Variants in CMIP observed in about 807,000 individuals in gnomAD.
The protein encoded by CMIP is c-Maf inducing protein.
In CMIP, 13 loss-of-function variants were observed where a neutral mutation model predicts 97.3. That is an observed-to-expected ratio of 0.13 (90% CI 0.09 to 0.21). CMIP has a LOEUF of 0.21. Ranked by LOEUF, CMIP falls within the 10% of genes least tolerant of loss-of-function variation. CMIP has a pLI of 1.00. For synonymous variants in CMIP, 538 were observed against 436.3 expected, an observed-to-expected ratio of 1.23 and a Z score of -2.91; for missense variants, 847 against 1,024.9, an observed-to-expected ratio of 0.83 and a Z score of 2.37.
intron 1 of CMIP, among the ~76,000 whole-genome samples, chr16:81,545,788 G>T (rs920776461): frequency 6.6e-6 from 1 of 152,202 alleles, no homozygotes; most frequent in African/African-American, 2.4e-5. Flanking sequence ...CTTCCTGCCG[G>T]CCCTCCCGTG....
intron 1 of CMIP, among the ~76,000 whole-genome samples, chr16:81,580,529 G>A (rs1008284175): frequency 1.3e-5 from 2 of 151,604 alleles, no homozygotes; most frequent in Non-Finnish European, 2.9e-5. Flanking sequence ...TGCATCCTGG[G>A]TTCAAGCAAT....
At chr16:81,563,748 C>T (rs2090929399) in intron 1 of CMIP, among the ~76,000 whole-genome samples, 1 of 152,180 alleles carries the variant, frequency 6.6e-6, no homozygotes, top group Non-Finnish European at 1.5e-5. Flanking sequence ...TATTATGGGG[C>T]TTCATGGTGC....
chr16:81,648,727 G>A (rs1029406265), intron 3 of CMIP, among the ~76,000 whole-genome samples: 1 of 135,812 alleles, frequency 7.4e-6, no homozygotes, highest in African/African-American at 2.8e-5. Context: ...AGATTATAGT[G>A]AGCTGAGATC....
intron 1 of CMIP, among the ~76,000 whole-genome samples, chr16:81,522,981 C>T (rs1228939326): frequency 3.3e-5 from 5 of 152,026 alleles, no homozygotes; most frequent in Non-Finnish European, 5.9e-5. Context: ...GGCCGGAGTG[C>T]AGTGGTTTGA....
intron 2 of CMIP, among the ~76,000 whole-genome samples, chr16:81,615,531 G>C (rs1279924271): frequency 6.9e-6 from 1 of 145,142 alleles, no homozygotes; most frequent in Non-Finnish European, 1.5e-5. Context: ...ATGTGTTTTT[G>C]TGTGTGGTAT....
chr16:81,602,391 G>A (rs2091672039), intron 1 of CMIP, among the ~76,000 whole-genome samples: 5 of 152,190 alleles, frequency 3.3e-5, no homozygotes, highest in African/African-American at 9.7e-5. Flanking sequence ...GATTTTATTC[G>A]TCATCTTCCA....
In CMIP at chr16:81,577,847, A is replaced by G. The variant is rs551591444; in HGVS notation, c.301-29720A>G. ...CTACGCTATTATCACTGTCACCATC[A>G]CCATCATCACCATCACCTTCATCAT... On this transcript the variant is annotated intron_variant, in intron 1 of 20. Coordinates refer to ENST00000537098, the MANE Select transcript of CMIP (RefSeq NM_198390.3). 4.8e-4 allele frequency among the ~76,000 whole-genome samples: 70 copies of G among 144,670 alleles called. 3 individuals are homozygous for G. Among genetic ancestry groups the G allele is most frequent in the African/African-American group, 2.0e-3 (70 of 35,408 alleles). The allele number at this position is 144,670 out of a possible 152,430, so 94.9% of individuals were successfully genotyped here.
At chr16:81,526,997 G>T (rs1018824764) in intron 1 of CMIP, among the ~76,000 whole-genome samples, 4 of 152,250 alleles carry the variant, frequency 2.6e-5, no homozygotes, top group Non-Finnish European at 5.9e-5. Flanking sequence ...CAGGGCGTGA[G>T]CTTTGCAGTT....
chr16:81,641,740 C>T (rs1182258055), intron 3 of CMIP, among the ~76,000 whole-genome samples: 1 of 152,214 alleles, frequency 6.6e-6, no homozygotes, highest in Non-Finnish European at 1.5e-5. Flanking sequence ...GCTTTTCAGG[C>T]AGGTGTCCAC....
chr16:81,585,948 C>T (rs2150911361), intron 1 of CMIP, among the ~76,000 whole-genome samples: 2 of 152,316 alleles, frequency 1.3e-5, no homozygotes, highest in Middle Eastern at 6.8e-3. Context: ...TCCATGAGCT[C>T]CTGGAGCATG....
At chr16:81,668,875 A>ACTGCCTTCCACACCCACCTCACT (rs2092641657) in intron 7 of CMIP, among the ~76,000 whole-genome samples, 1 of 141,652 alleles carries the variant, frequency 7.1e-6, no homozygotes, top group Non-Finnish European at 1.5e-5. Flanking sequence ...CCCACCTCAC[A>ACTGCCTTCCACACCCACCTCACT]CTCATTGCCT....
At chr16:81,701,529 T>C in intron 15 of CMIP, 131 bp from the exon 16 acceptor site, 1 of 1,298,056 alleles carries the variant, frequency 7.7e-7, no homozygotes, top group Admixed American at 1.8e-5. Flanking sequence ...TGCCCAGGCT[T>C]ACACAGCCGG....
At chr16:81,620,782 G>T in intron 2 of CMIP, 94 bp from the exon 3 acceptor site, 1 of 1,447,522 alleles carries the variant, frequency 6.9e-7, no homozygotes, top group South Asian at 1.2e-5. Flanking sequence ...GCTGTCTACA[G>T]AGCAGGCTTG....
intron 5 of CMIP, among the ~76,000 whole-genome samples, chr16:81,660,287 T>A (rs980226622): frequency 6.6e-6 from 1 of 152,018 alleles, no homozygotes; most frequent in Non-Finnish European, 1.5e-5. Context: ...TTCTTTTTTT[T>A]TTTTAAGGCA....
At chr16:81,629,676 G>C (rs1382708725) in intron 3 of CMIP, among the ~76,000 whole-genome samples, 1 of 152,198 alleles carries the variant, frequency 6.6e-6, no homozygotes, top group Non-Finnish European at 1.5e-5. Flanking sequence ...CATTTTAGCA[G>C]CTGTGGCCAG....
chr16:81,628,664 A>G (rs1597165695), intron 3 of CMIP, among the ~76,000 whole-genome samples: 1 of 152,100 alleles, frequency 6.6e-6, no homozygotes, highest in Non-Finnish European at 1.5e-5. Context: ...CTGTACATGC[A>G]TGCATGTACA....
intron 1 of CMIP, among the ~76,000 whole-genome samples, chr16:81,538,162 A>T (rs982583569): frequency 1.3e-5 from 2 of 152,196 alleles, no homozygotes; most frequent in Non-Finnish European, 2.9e-5. Flanking sequence ...AAGTAAAATG[A>T]CTTGCTCCAG....
intron 1 of CMIP, among the ~76,000 whole-genome samples, chr16:81,456,241 C>A (rs537945786): frequency 6.6e-6 from 1 of 152,164 alleles, no homozygotes; most frequent in African/African-American, 2.4e-5. Flanking sequence ...TGGAGGGGAC[C>A]GCGGGGTAAT....
intron 1 of CMIP, chr16:81,463,856 C>T (rs979648146): frequency 6.6e-6 from 1 of 152,260 alleles, no homozygotes; most frequent in African/African-American, 2.4e-5. Flanking sequence ...AGGGGACTTC[C>T]CAGGTGTCCT....
Sources: gnomAD v4.1 joint callset for allele counts (sites outside exome capture counted in the v4.1 genomes callset) on GRCh38, gnomAD v4.1.1 for gene constraint, MANE v1.5 for transcripts, NCBI Gene and HGNC (gene_info 2026-07-23, HGNC 2026-07-21) for gene names.